Variants in LGSN observed in about 807,000 individuals in gnomAD.
LGSN encodes the protein lengsin.
In LGSN, 21 loss-of-function variants were observed where a neutral mutation model predicts 19.5. The ratio of observed to expected loss-of-function variants is 1.07; its 90% CI spans 0.76 to 1.55. LGSN has a LOEUF of 1.55. Among genes scored for constraint, LGSN ranks in the 40% most tolerant of loss-of-function variants. LGSN has a pLI of 0.00. For missense variants in LGSN, 673 were observed against 608.5 expected, an observed-to-expected ratio of 1.11 and a Z score of -1.12; for synonymous variants, 257 against 215.6, an observed-to-expected ratio of 1.19 and a Z score of -1.68.
the LGSN span, chr6:63,443,472 T>C: frequency 3.7e-6 from 1 of 273,262 alleles, no homozygotes; most frequent in Non-Finnish European, 6.1e-6. Context: ...AAGTGAGGGC[T>C]GCTAGCACAT....
At chr6:63,443,202 T>A in the LGSN span, among the ~76,000 whole-genome samples, 2 of 152,192 alleles carry the variant, frequency 1.3e-5, no homozygotes. Flanking sequence ...AAGCCCCTCA[T>A]TGCCCAGCGC....
the LGSN span, among the ~76,000 whole-genome samples, chr6:63,420,283 A>G: frequency 6.6e-6 from 1 of 152,094 alleles, no homozygotes; most frequent in African/African-American, 2.4e-5. Context: ...CTGGGCCCAT[A>G]AAACTACAGT....
the LGSN span, among the ~76,000 whole-genome samples, chr6:63,407,050 C>A: frequency 6.6e-6 from 1 of 151,914 alleles, no homozygotes; most frequent in Non-Finnish European, 1.5e-5. Context: ...GCTTACCAAC[C>A]AAAAAGAGTC....
chr6:63,430,479 C>T, the LGSN span, among the ~76,000 whole-genome samples: 2 of 152,196 alleles, frequency 1.3e-5, no homozygotes, highest in East Asian at 1.9e-4. Context: ...ACCTCCGTCT[C>T]GTAGGTTCAA....
At chr6:63,368,579 C>G in the LGSN span, among the ~76,000 whole-genome samples, 1 of 152,188 alleles carries the variant, frequency 6.6e-6, no homozygotes, top group Admixed American at 6.6e-5. Context: ...TTAAAATTAA[C>G]GCTCCTCCCC....
chr6:63,306,949 A>G (rs1768417137), intron 1 of LGSN, among the ~76,000 whole-genome samples: 1 of 152,228 alleles, frequency 6.6e-6, no homozygotes, highest in African/African-American at 2.4e-5. Context: ...AAACTTTCTC[A>G]ACTACCACAC....
chr6:63,330,117 T>C, the LGSN span, among the ~76,000 whole-genome samples: 1 of 152,226 alleles, frequency 6.6e-6, no homozygotes, highest in Non-Finnish European at 1.5e-5. Flanking sequence ...GGAACCTTCA[T>C]CCTCTGGGGC....
the LGSN span, among the ~76,000 whole-genome samples, chr6:63,352,259 C>T: frequency 3.9e-5 from 6 of 152,220 alleles, no homozygotes; most frequent in Admixed American, 1.3e-4. Flanking sequence ...CCAAAACTCA[C>T]ATGTTAGTAG....
the LGSN span, among the ~76,000 whole-genome samples, chr6:63,398,283 G>T: frequency 6.7e-6 from 1 of 150,102 alleles, no homozygotes; most frequent in Non-Finnish European, 1.5e-5. Flanking sequence ...AGAAGGCATT[G>T]TTATCACAGG....
the LGSN span, among the ~76,000 whole-genome samples, chr6:63,408,329 G>A: frequency 6.7e-6 from 1 of 149,578 alleles, no homozygotes; most frequent in East Asian, 1.9e-4. Context: ...TACCAAAACA[G>A]AGATATAGAT....
chr6:63,497,431 C>T, the LGSN span, among the ~76,000 whole-genome samples: 1 of 152,080 alleles, frequency 6.6e-6, no homozygotes, highest in African/African-American at 2.4e-5. Flanking sequence ...CACCTGTAAT[C>T]CCCGCTATTC....
chr6:63,286,408 G>A (rs979696078), intron 2 of LGSN, among the ~76,000 whole-genome samples: 1 of 152,110 alleles, frequency 6.6e-6, no homozygotes, highest in Non-Finnish European at 1.5e-5. Flanking sequence ...TTTAAAATTA[G>A]AAACATAAAA....
chr6:63,411,755 C>T, the LGSN span, among the ~76,000 whole-genome samples: 24 of 151,982 alleles, frequency 1.6e-4, no homozygotes, highest in South Asian at 4.8e-3. Context: ...CACAAGAATC[C>T]CTTGGGCCCA....
the LGSN span, among the ~76,000 whole-genome samples, chr6:63,363,707 A>G: frequency 6.6e-6 from 1 of 152,170 alleles, no homozygotes; most frequent in Non-Finnish European, 1.5e-5. Flanking sequence ...ATGTGAAAAG[A>G]CCAAATTTAC....
chr6:63,289,504 G>A (rs1393134926), intron 2 of LGSN, among the ~76,000 whole-genome samples: 4 of 152,072 alleles, frequency 2.6e-5, no homozygotes, highest in Non-Finnish European at 4.4e-5. Flanking sequence ...TTTTCCTACA[G>A]TGTGGTTCCT....
At chr6:63,346,519 T>C in the LGSN span, among the ~76,000 whole-genome samples, 1 of 152,138 alleles carries the variant, frequency 6.6e-6, no homozygotes, top group Non-Finnish European at 1.5e-5. Context: ...CTGTATCTTT[T>C]ATAATATCCT....
At chr6:63,379,385 C>T in the LGSN span, among the ~76,000 whole-genome samples, 2 of 152,138 alleles carry the variant, frequency 1.3e-5, no homozygotes, top group Non-Finnish European at 2.9e-5. Flanking sequence ...AGCAGACATC[C>T]AGTGCCATCA....
chr6:63,349,392 C>G, the LGSN span, among the ~76,000 whole-genome samples: 8 of 152,068 alleles, frequency 5.3e-5, no homozygotes, highest in Non-Finnish European at 8.8e-5. Flanking sequence ...AATTCCCAAC[C>G]CTTGGTGCAA....
rs550913906 is a variant in LGSN, at chr6:63,301,033, G to A, written c.31-5988C>T. Among the ~76,000 whole-genome samples, 4 of 152,288 alleles carry A rather than the reference G, an allele frequency of 2.6e-5. No homozygotes were observed. The East Asian group carries it at 5.8e-4, about 22-fold the overall frequency. On this transcript the variant is annotated intron_variant, in intron 1 of 3. Coordinates refer to ENST00000370657, the MANE Select transcript of LGSN (RefSeq NM_016571.3). ...TAGCTGGCCACGATGTCTCATGCCT[G>A]TAATCCTAGCACTTTGGGAGGCCAA...
Sources: gnomAD v4.1 joint callset for allele counts (sites outside exome capture counted in the v4.1 genomes callset) on GRCh38, gnomAD v4.1.1 for gene constraint, MANE v1.5 for transcripts, NCBI Gene and HGNC (gene_info 2026-07-23, HGNC 2026-07-21) for gene names.